The following CDKL4 variants were observed in gnomAD, a reference collection of about 807,000 sequenced individuals.
CDKL4 encodes cyclin dependent kinase like 4.
In CDKL4, 44 loss-of-function variants were observed where a neutral mutation model predicts 42.0. That is an observed-to-expected ratio of 1.05 (90% confidence interval 0.82 to 1.35). The LOEUF (loss-of-function observed/expected upper bound fraction) is 1.35, where lower values mean the gene tolerates loss of function less well. CDKL4 is among the 40% of genes most tolerant of loss of function. The probability of loss-of-function intolerance (pLI) is 0.00; values close to 1 mark genes in which losing one functional copy is unlikely to be tolerated. For synonymous variants in CDKL4, 120 were observed against 121.6 expected, an observed-to-expected ratio of 0.99 and a Z score of 0.09; for missense variants, 393 against 369.9, an observed-to-expected ratio of 1.06 and a Z score of -0.51.
intron 5 of CDKL4, among the ~76,000 whole-genome samples, chr2:39,198,655 T>G (rs1265622031): frequency 6.6e-6 from 1 of 151,874 alleles, no homozygotes; most frequent in African/African-American, 2.4e-5. Context: ...CACAGTGGAA[T>G]AGAATTGGAA....
intron 3 of CDKL4, among the ~76,000 whole-genome samples, chr2:39,214,070 G>A (rs770816020): frequency 2.6e-5 from 4 of 151,890 alleles, no homozygotes; most frequent in African/African-American, 7.3e-5. Context: ...TTACAGGCAC[G>A]TGCCACGATA....
chr2:39,247,105 A>G (rs1679943579), upstream of CDKL4, among the ~76,000 whole-genome samples: 1 of 152,130 alleles, frequency 6.6e-6, no homozygotes, highest in South Asian at 2.1e-4. Flanking sequence ...TGCTCCTTGG[A>G]TGAATACTGG....
rs1678375473 is a variant in CDKL4 at position 39,221,562 on chromosome 2, C to T, written c.290+4277G>A. On this transcript the variant is annotated intron_variant, in intron 3 of 9. Coordinates refer to ENST00000451199, the Ensembl canonical transcript of CDKL4. ...AAGTACCCAACATTTCATAAAAGAG[C>T]AGCATATTCTAGATTGTTCCTATTT... is the stretch of plus-strand genomic sequence containing the variant. 2.0e-5 allele frequency among the ~76,000 whole-genome samples: 3 copies of T among 152,122 alleles called. No individual in the cohort carries two copies. The South Asian group carries it at 6.2e-4, about 31-fold the overall frequency.
intron 5 of CDKL4, among the ~76,000 whole-genome samples, chr2:39,197,208 C>G (rs1273616691): frequency 1.3e-5 from 2 of 152,172 alleles, no homozygotes; most frequent in Non-Finnish European, 2.9e-5. Flanking sequence ...AGCAACAGAA[C>G]TGCACAAGTT....
intron 4 of CDKL4, among the ~76,000 whole-genome samples, chr2:39,207,534 G>A: frequency 6.6e-6 from 1 of 152,166 alleles, no homozygotes. Flanking sequence ...TCCTTTAAAT[G>A]AGTTTGCATC....
chr2:39,239,720 T>G (rs889611476), intron 1 of CDKL4, among the ~76,000 whole-genome samples: 2 of 152,194 alleles, frequency 1.3e-5, no homozygotes, highest in Non-Finnish European at 2.9e-5. Context: ...AGATGGAAAC[T>G]GGAACTCACA....
intron 1 of CDKL4, among the ~76,000 whole-genome samples, chr2:39,234,210 GC>G (rs1273315856): frequency 6.6e-6 from 1 of 152,052 alleles, no homozygotes; most frequent in Non-Finnish European, 1.5e-5. Context: ...ACTGCACCCG[GC>G]CTATATTTTC....
chr2:39,219,004 T>G (rs1416343848), intron 3 of CDKL4, among the ~76,000 whole-genome samples: 1 of 152,224 alleles, frequency 6.6e-6, no homozygotes, highest in African/African-American at 2.4e-5. Flanking sequence ...GCTTTATTTT[T>G]CTTCAAAGAC....
At chr2:39,214,071 T>C (rs1029765286) in intron 3 of CDKL4, among the ~76,000 whole-genome samples, 1 of 152,012 alleles carries the variant, frequency 6.6e-6, no homozygotes, top group Non-Finnish European at 1.5e-5. Context: ...TACAGGCACG[T>C]GCCACGATAC....
intron 7 of CDKL4, among the ~76,000 whole-genome samples, chr2:39,185,441 CATGTATATATACAT>C (rs1675770788): frequency 1.7e-4 from 1 of 5,788 alleles, no homozygotes; most frequent in African/African-American, 2.8e-4. Flanking sequence ...TGTATATATA[CATGTATATATACAT>C]ATGTGTATAT....
At chr2:39,199,620 T>C (rs1676727712) in intron 5 of CDKL4, among the ~76,000 whole-genome samples, 1 of 152,064 alleles carries the variant, frequency 6.6e-6, no homozygotes, top group African/African-American at 2.4e-5. Context: ...TCCAACAGCA[T>C]GTCAAAAAGA....
intron 4 of CDKL4, among the ~76,000 whole-genome samples, chr2:39,209,711 A>T (rs577446041): frequency 6.6e-6 from 1 of 152,300 alleles, no homozygotes; most frequent in Non-Finnish European, 1.5e-5. Context: ...TGGAGATGAT[A>T]AGGTGCACAT....
downstream of CDKL4, among the ~76,000 whole-genome samples, chr2:39,171,846 G>C (rs1041438584): frequency 1.3e-5 from 2 of 152,172 alleles, no homozygotes; most frequent in South Asian, 2.1e-4. Flanking sequence ...CGCAGTATTT[G>C]GACAGCATCA....
intron 9 of CDKL4, chr2:39,178,458 G>C: frequency 1.0e-6 from 1 of 966,890 alleles, no homozygotes; most frequent in Non-Finnish European, 1.5e-6. Flanking sequence ...TAATATTAGG[G>C]ACCTTCTCTG....
chr2:39,233,879 G>GATAT lies in CDKL4; in HGVS notation c.-56-4295_-56-4292dup, dbSNP rs35424282. On this transcript the variant is annotated intron_variant, in intron 1 of 9. Transcript: ENST00000451199. Reference sequence around the variant, plus strand: ...CAAGTGGACAAAAATTATTTAAGAAGATATATATATATATATATAAATTTT... The same window carrying GATAT: ...CAAGTGGACAAAAATTATTTAAGAAGATATATATATATATATATATATAAATTTT... Among the ~76,000 whole-genome samples, 1,020 of 136,854 alleles carry GATAT rather than the reference G, an allele frequency of 7.5e-3. 14 individuals carry two copies. The highest frequency in any genetic ancestry group is 0.026 in the African/African-American group (955 of 36,828). The allele number at this position is 136,854 out of a possible 152,430, so 89.8% of individuals were successfully genotyped here.
chr2:39,209,986 C>G (rs1677493125), intron 4 of CDKL4, among the ~76,000 whole-genome samples: 2 of 152,014 alleles, frequency 1.3e-5, no homozygotes, highest in African/African-American at 4.8e-5. Context: ...GGAAGTTAGT[C>G]TGAAAAATTA....
chr2:39,199,509 A>G (rs1676719572), intron 5 of CDKL4, among the ~76,000 whole-genome samples: 1 of 152,168 alleles, frequency 6.6e-6, no homozygotes, highest in African/African-American at 2.4e-5. Context: ...TCACCCTAAT[A>G]ACAAAACCAG....
intron 4 of CDKL4, among the ~76,000 whole-genome samples, chr2:39,211,013 A>G (rs1198505709): frequency 6.6e-6 from 1 of 152,204 alleles, no homozygotes; most frequent in Non-Finnish European, 1.5e-5. Context: ...TATGATAGAC[A>G]TTCTGCTGGC....
At chr2:39,187,647 T>C in exon 7 of CDKL4, 1 of 1,612,704 alleles carries the variant, frequency 6.2e-7, no homozygotes, top group Non-Finnish European at 8.5e-7. Flanking sequence ...GGCTCAGGTA[T>C]ACTGATGCCA....
Sources: allele counts gnomAD v4.1 joint callset (sites outside exome capture counted in the v4.1 genomes callset), GRCh38; gene constraint gnomAD v4.1.1; transcripts MANE v1.5; gene names NCBI Gene and HGNC (gene_info 2026-07-23, HGNC 2026-07-21).